The following ART5 variants were observed in gnomAD, a reference collection of about 807,000 sequenced individuals.
ART5 encodes the protein ecto-ADP-ribosyltransferase 5.
A neutral mutation model predicts 25.0 loss-of-function variants in ART5; 22 were observed. The observed-to-expected ratio is 0.88, with a 90% CI of 0.63 to 1.26. The LOEUF is 1.26. Among genes scored for constraint, ART5 ranks in the 50% most tolerant of loss-of-function variants. ART5 has a pLI of 0.00. For missense variants in ART5, 402 were observed against 372.8 expected (o/e 1.08, Z -0.64); for synonymous variants, 161 against 154.8 (o/e 1.04, Z -0.30).
chr11:3,639,313 G>C (rs2077357807), intron 2 of ART5, among the ~76,000 whole-genome samples: 1 of 152,190 alleles, frequency 6.6e-6, no homozygotes, highest in Admixed American at 6.5e-5. Context: ...ATCGAGCCCA[G>C]GGCCCCCCTG....
chr11:3,640,128 T>C lies in ART5; in HGVS notation c.301A>G (p.Asn101Asp), dbSNP rs1220174066. Reference protein sequence around the residue: ...QNGIAIMVYTNSSNTLYWELN... With the variant: ...QNGIAIMVYTDSSNTLYWELN... ...TCCCAGTACAAGGTGTTCGATGAGT[T>C]GGTGTAGACCATAATGGCTATTCCA... The change falls in exon 2 of 4, where the codon AAC (asparagine) becomes GAC (aspartate). Residue 101 changes from asparagine to aspartate, a missense_variant. Transcript: ENST00000397068. 1.2e-6 allele frequency: 2 copies of C among 1,614,182 alleles called. No individual in the cohort carries two copies. The highest frequency in any genetic ancestry group is 4.5e-5 in the East Asian group (2 of 44,880).
upstream of ART5, chr11:3,642,275 G>A (rs1281344764): frequency 3.9e-6 from 4 of 1,038,406 alleles, no homozygotes; most frequent in Non-Finnish European, 4.6e-6. Flanking sequence ...TGAAAGCAAA[G>A]GTTCTCGAGG....
chr11:3,639,909 C>T lies in ART5; in HGVS notation c.520G>A (p.Asp174Asn), dbSNP rs143088148. The change falls in exon 2 of 4, where the codon GAC becomes AAC. Residue 174 changes from aspartate (D) to asparagine (N), a missense_variant. Asp to Asn is a conservative substitution (Grantham distance 23, BLOSUM62 1). Coordinates refer to ENST00000397068, the MANE Select transcript of ART5 (RefSeq NM_053017.5). ...SLRFEPKRLG[D>N]SVRLGQFASS... ...GCAAACTGGCCCAAGCGGACAGAGT[C>T]TCCCAGCCTCTTGGGTTCAAAGCGA... 4.3e-6 allele frequency: 7 copies of T among 1,614,040 alleles called. No individual in the cohort carries two copies. The African/African-American group carries it at 9.3e-5, about 22-fold the overall frequency.
At position 3,639,890 on chromosome 11, in the gene ART5, T is replaced by C; in HGVS notation, c.539A>G (p.Gln180Arg). 1 of 1,614,156 alleles carries C rather than the reference T, an allele frequency of 6.2e-7. No homozygotes were observed. Among genetic ancestry groups the C allele is most frequent in the Non-Finnish European group, 8.5e-7 (1 of 1,180,024 alleles). ...KRLGDSVRLG[Q>R]FASSSLDKAV... ...CTTATCCAGGGAGCTGGAGGCAAAC[T>C]GGCCCAAGCGGACAGAGTCTCCCAG... Residue 180 changes from glutamine (Q) to arginine (R), a missense_variant, in exon 2 of 4, where the codon CAG becomes CGG. Gln to Arg is a conservative substitution (Grantham distance 43). Coordinates refer to ENST00000397068, the MANE Select transcript of ART5 (RefSeq NM_053017.5).
At chr11:3,642,013 G>A, upstream of ART5, 1 of 1,449,892 alleles carries the variant, frequency 6.9e-7, no homozygotes, top group Non-Finnish European at 9.1e-7. Flanking sequence ...CGGGGCGTGG[G>A]CGGGGCCTGG....
upstream of ART5, chr11:3,642,117 T>C (rs2077411575): frequency 7.5e-7 from 1 of 1,336,824 alleles, no homozygotes; most frequent in South Asian, 1.9e-5. Flanking sequence ...TCCGAGACTG[T>C]AAAGGCGGGG....
upstream of ART5, chr11:3,642,154 G>A (rs1340961368): frequency 1.4e-5 from 18 of 1,278,594 alleles, no homozygotes; most frequent in Non-Finnish European, 1.6e-5. Context: ...CCTGAGAGGG[G>A]AGGGCCGGGG....
At position 3,640,005 on chromosome 11, in the gene ART5, G is replaced by A. The variant is rs2077369556; in HGVS notation, c.424C>T (p.Gln142Ter). The A allele has an allele frequency of 1.2e-6, 2 of 1,614,144 alleles. No homozygotes were observed. Among genetic ancestry groups the A allele is most frequent in the Non-Finnish European group, 8.5e-7 (1 of 1,180,034 alleles). The change falls in exon 2 of 4, where the codon CAG (glutamine) becomes TAG (stop). Residue 142 changes from glutamine to a stop codon, truncating the protein, a stop_gained. Coordinates refer to ENST00000397068, the MANE Select transcript of ART5 (RefSeq NM_053017.5). LOFTEE classifies it high-confidence loss of function. ...CAGCCCCCACTGCCTCGCAGCAGCT[G>A]CAGGGCCCGGATCAGGTAGAAATGC... ...ALHFYLIRAL[Q>*]LLRGSGGCSR... is the part of the protein sequence containing the mutation.
intron 1 of ART5, 24 bp downstream of exon 1, chr11:3,641,782 C>A (rs1167104546): frequency 6.4e-7 from 1 of 1,568,582 alleles, no homozygotes; most frequent in Admixed American, 1.9e-5. Flanking sequence ...CCCCTTGGGG[C>A]TAGGAGATGG....
upstream of ART5, chr11:3,642,193 G>T: frequency 1.7e-6 from 2 of 1,176,320 alleles, no homozygotes; most frequent in Non-Finnish European, 2.1e-6. Context: ...GGCTGCGGAA[G>T]CCGCCAGCGG....
intron 2 of ART5, 79 bp from the exon 3 acceptor site, chr11:3,639,114 G>GCC: frequency 6.9e-7 from 1 of 1,449,288 alleles, no homozygotes; most frequent in South Asian, 1.2e-5. Context: ...CCCTGGCAGG[G>GCC]CCATTTCCCT....
intron 2 of ART5, 115 bp from the exon 3 acceptor site, chr11:3,639,150 A>G: frequency 8.5e-7 from 1 of 1,176,178 alleles, no homozygotes; most frequent in Non-Finnish European, 1.2e-6. Flanking sequence ...CCCTTCACCT[A>G]AAGGGAAACT....
At chr11:3,638,894 CT>C (rs1193657457) in intron 3 of ART5, 101 bp from the exon 4 acceptor site, 1 of 1,608,968 alleles carries the variant, frequency 6.2e-7, no homozygotes, top group Non-Finnish European at 8.5e-7. Context: ...AGGAGGCCCC[CT>C]CAGATTGTGA....
rs756637453 is a variant in ART5 at position 3,639,667 on chromosome 11, G to C, written c.762C>G (p.Ser254Arg). 9 of 1,613,246 alleles carry C rather than the reference G, an allele frequency of 5.6e-6. No homozygotes were observed. In the Admixed American group the frequency reaches 1.5e-4, roughly 27 times the overall value. ...VTLWSYNQTC[S>R]HFNCAYLGGE... Reference sequence around the variant, plus strand: ...CACCCAGATAGGCGCAGTTAAAATGGCTACAGGTCTGATTATAGCTCCAGA... The same window carrying C: ...CACCCAGATAGGCGCAGTTAAAATGCCTACAGGTCTGATTATAGCTCCAGA... Residue 254 changes from serine (S) to arginine (R), a missense_variant, in exon 2 of 4, where the codon AGC (serine) becomes AGG (arginine). Physicochemically the swap from Ser to Arg is moderately radical, Grantham distance 110. Transcript: ENST00000397068.
chr11:3,642,299 C>T (rs1206264596), upstream of ART5: 8 of 1,013,728 alleles, frequency 7.9e-6, no homozygotes, highest in African/African-American at 1.2e-4. Context: ...ACTGTAGCCC[C>T]CGCGCTGGTA....
chr11:3,640,082 G>A lies in ART5; in HGVS notation c.347C>T (p.Thr116Met), dbSNP rs138160202. The A allele has an allele frequency of 2.5e-5, 40 of 1,614,188 alleles. No individual in the cohort carries two copies. The highest frequency in any genetic ancestry group is 6.7e-5 in the Admixed American group (4 of 60,036). The change falls in exon 2 of 4, where the codon ACG becomes ATG. Residue 116 changes from threonine to methionine, a missense_variant. Coordinates refer to ENST00000397068, the MANE Select transcript of ART5 (RefSeq NM_053017.5). ...GTAGAGCTCCCGGGAGCCTCCGCCC[G>A]TCCGCACGGCCTGATTCAACTCCCA... ...LYWELNQAVR[T>M]GGGSRELYMR...
At chr11:3,640,567 CT>C (rs33933264) in intron 1 of ART5, among the ~76,000 whole-genome samples, 196 bp from the exon 2 acceptor site, 7 of 126,912 alleles carry the variant, frequency 5.5e-5, no homozygotes, top group African/African-American at 1.8e-4. Flanking sequence ...GGACTGAAAT[CT>C]TTTTTTTTTT....
chr11:3,641,025 G>C (rs896022255), intron 1 of ART5, among the ~76,000 whole-genome samples: 1 of 152,192 alleles, frequency 6.6e-6, no homozygotes, highest in Non-Finnish European at 1.5e-5. Flanking sequence ...TTACAGGAGT[G>C]AGCCACCGCG....
At chr11:3,639,165 A>G in intron 2 of ART5, 130 bp from the exon 3 acceptor site, 1 of 1,059,190 alleles carries the variant, frequency 9.4e-7, no homozygotes, top group South Asian at 1.6e-5. Context: ...GAAACTTCTG[A>G]TTTCCCTTCC....
Sources: allele counts gnomAD v4.1 joint callset (sites outside exome capture counted in the v4.1 genomes callset), GRCh38; gene constraint gnomAD v4.1.1; transcripts MANE v1.5; gene names NCBI Gene and HGNC (gene_info 2026-07-23, HGNC 2026-07-21).